The following CPEB3 variants were observed in gnomAD, a reference collection of about 807,000 sequenced individuals.
The protein encoded by CPEB3 is cytoplasmic polyadenylation element binding protein 3.
In CPEB3, 20 loss-of-function variants were observed where a neutral mutation model predicts 67.2. The observed-to-expected ratio is 0.30, with a 90% CI of 0.21 to 0.43. CPEB3 has a LOEUF of 0.43. CPEB3 is among the 20% of genes least tolerant of loss of function. CPEB3 has a pLI of 1.00. For synonymous variants in CPEB3, 376 were observed against 393.1 expected (o/e 0.96, Z 0.51); for missense variants, 746 against 968.6 (o/e 0.77, Z 3.05).
intron 8 of CPEB3, among the ~76,000 whole-genome samples, chr10:92,086,123 A>G (rs982088348): frequency 6.6e-6 from 1 of 152,306 alleles, no homozygotes. Flanking sequence ...AAAATAACAC[A>G]TTCGTCTCTA....
chr10:92,204,836 CT>C (rs750482213), intron 2 of CPEB3, among the ~76,000 whole-genome samples: 1,581 of 125,042 alleles, frequency 0.013, 5 homozygotes, highest in African/African-American at 0.018. Context: ...ATCTTAACCA[CT>C]TTTTTTTTTT....
intron 2 of CPEB3, chr10:92,216,218 A>G (rs1850380572): frequency 1.1e-6 from 1 of 934,742 alleles, no homozygotes; most frequent in Admixed American, 2.7e-5. Context: ...AGCACGGATC[A>G]CAAGGTCAAG....
At chr10:92,150,168 C>T (rs1026918656) in intron 4 of CPEB3, among the ~76,000 whole-genome samples, 9 of 152,040 alleles carry the variant, frequency 5.9e-5, no homozygotes, top group African/African-American at 1.4e-4. Flanking sequence ...TATCATACTA[C>T]GTAGGATTAT....
intron 2 of CPEB3, among the ~76,000 whole-genome samples, chr10:92,207,392 A>G (rs1394567659): frequency 6.6e-6 from 1 of 152,218 alleles, no homozygotes; most frequent in Non-Finnish European, 1.5e-5. Context: ...ATAATTCTCA[A>G]CCTGGAGACA....
At chr10:92,243,388 T>C (rs935722346) in intron 1 of CPEB3, 5 of 152,078 alleles carry the variant, frequency 3.3e-5, no homozygotes, top group African/African-American at 7.2e-5. Context: ...GTCTCACAAA[T>C]ACAGATTCTG....
rs571842771 is a variant in CPEB3, at chr10:92,241,186, G to A, written c.-11-825C>T. ...TCTTGTCTCCAATTCTGCCGCACAA[G>A]AGATTTCTTGGCATCGCAGTGCTTC... is the stretch of plus-strand genomic sequence containing the variant. On this transcript the variant is annotated intron_variant, in intron 1 of 9. Coordinates refer to ENST00000265997, the MANE Select transcript of CPEB3 (RefSeq NM_014912.5). Among the ~76,000 whole-genome samples, 3 of 152,242 alleles carry A rather than the reference G, an allele frequency of 2.0e-5. No individual in the cohort carries two copies. The South Asian group carries it at 6.2e-4, about 32-fold the overall frequency.
chr10:92,245,133 C>CTTTTTTT (rs989695063), intron 1 of CPEB3, among the ~76,000 whole-genome samples: 6 of 98,068 alleles, frequency 6.1e-5, no homozygotes, highest in Admixed American at 1.1e-4. Context: ...AGAAAAGAGT[C>CTTTTTTT]TTTTTTTTTT....
chr10:92,137,717 G>A lies in CPEB3; in HGVS notation c.1453+5312C>T, dbSNP rs184106335. 6.4e-3 allele frequency: 2,735 copies of A among 424,468 alleles called. 22 individuals carry two copies. The highest frequency in any genetic ancestry group is 0.021 in the Middle Eastern group (31 of 1,500). The allele number at this position is 424,468 out of a possible 1,614,324, so 26.3% of individuals were successfully genotyped here. Reference sequence around the variant, plus strand: ...TACTGGAAAGAAGGTGGATTGGCTCGGCTGGGTGCAGTGGCTCACGCCTGT... The same window carrying A: ...TACTGGAAAGAAGGTGGATTGGCTCAGCTGGGTGCAGTGGCTCACGCCTGT... On this transcript the variant is annotated intron_variant, in intron 6 of 9. Transcript: ENST00000265997.
chr10:92,226,652 T>C (rs1319730867), intron 2 of CPEB3, among the ~76,000 whole-genome samples: 2 of 152,032 alleles, frequency 1.3e-5, no homozygotes, highest in South Asian at 2.1e-4. Context: ...CAAAACAAAA[T>C]AAACCAGCTC....
chr10:92,120,459 C>G (rs1444282891), intron 6 of CPEB3, among the ~76,000 whole-genome samples: 2 of 151,932 alleles, frequency 1.3e-5, no homozygotes, highest in Non-Finnish European at 2.9e-5. Context: ...TGGCGGGCGC[C>G]TATAGTCCCA....
intron 2 of CPEB3, among the ~76,000 whole-genome samples, chr10:92,221,879 T>C (rs1057045864): frequency 2.6e-5 from 4 of 152,182 alleles, no homozygotes; most frequent in Admixed American, 2.0e-4. Flanking sequence ...CCTTCTGCCA[T>C]GTGAGGACAC....
chr10:92,205,070 C>A (rs1849716367), intron 2 of CPEB3, among the ~76,000 whole-genome samples: 1 of 152,110 alleles, frequency 6.6e-6, no homozygotes, highest in Non-Finnish European at 1.5e-5. Flanking sequence ...GAACTCCTGA[C>A]CTCAGGATCC....
chr10:92,267,842 T>C (rs983346821), intron 1 of CPEB3, among the ~76,000 whole-genome samples: 9 of 152,308 alleles, frequency 5.9e-5, no homozygotes, highest in Admixed American at 5.2e-4. Context: ...TATTTAGAGA[T>C]GTAGTCTCGC....
At chr10:92,139,223 G>A (rs1349805686) in intron 6 of CPEB3, among the ~76,000 whole-genome samples, 1 of 150,048 alleles carries the variant, frequency 6.7e-6, no homozygotes, top group Admixed American at 6.7e-5. Context: ...GTTGAAGTGA[G>A]CCAAGATTGT....
intron 7 of CPEB3, among the ~76,000 whole-genome samples, chr10:92,107,571 T>C (rs1844534427): frequency 6.6e-6 from 1 of 152,164 alleles, no homozygotes; most frequent in African/African-American, 2.4e-5. Context: ...AATCTATTAA[T>C]ATAGTCAAAA....
At chr10:92,262,805 A>G (rs1013908862) in intron 1 of CPEB3, among the ~76,000 whole-genome samples, 1 of 152,242 alleles carries the variant, frequency 6.6e-6, no homozygotes, top group Non-Finnish European at 1.5e-5. Context: ...TTAGAATCAT[A>G]AAAGTGTGCA....
chr10:92,184,684 T>A lies in CPEB3; in HGVS notation c.1166-3665A>T, dbSNP rs142658927. ...TCAATTATCTAAATATAATCTAATT[T>A]TTCCCCCAACTAATAATGTAATTTT... On this transcript the variant is annotated intron_variant, in intron 3 of 9. Coordinates refer to ENST00000265997, the MANE Select transcript of CPEB3 (RefSeq NM_014912.5). 1.3e-3 allele frequency among the ~76,000 whole-genome samples: 198 copies of A among 152,300 alleles called. 1 individual carries two copies. Among genetic ancestry groups the A allele is most frequent in the African/African-American group, 4.5e-3 (188 of 41,564 alleles).
chr10:92,174,072 C>T (rs1162444286), intron 4 of CPEB3, among the ~76,000 whole-genome samples: 1 of 152,180 alleles, frequency 6.6e-6, no homozygotes, highest in Non-Finnish European at 1.5e-5. Flanking sequence ...TTACTTATAT[C>T]CACTCACAGT....
At chr10:92,137,056 G>C in intron 6 of CPEB3, 1 of 256,992 alleles carries the variant, frequency 3.9e-6, no homozygotes, top group Non-Finnish European at 8.1e-6. Context: ...TTGTATCAAG[G>C]ATTATGATGT....
Sources: gnomAD v4.1 joint callset for allele counts (sites outside exome capture counted in the v4.1 genomes callset) on GRCh38, gnomAD v4.1.1 for gene constraint, MANE v1.5 for transcripts, NCBI Gene and HGNC (gene_info 2026-07-23, HGNC 2026-07-21) for gene names.